ACSL1: variants seen among roughly 807,000 people sequenced by gnomAD.
The protein encoded by ACSL1 is long-chain-fatty-acid--CoA ligase 1.
ACSL1 carries 41 observed loss-of-function variants against 98.4 expected under a neutral mutation model. That is an observed-to-expected ratio of 0.42 (90% CI 0.32 to 0.54). The LOEUF (loss-of-function observed/expected upper bound fraction) is 0.54, where lower values mean the gene tolerates loss of function less well. ACSL1 is among the 20% of genes least tolerant of loss of function. The probability of loss-of-function intolerance (pLI) is 0.13; values close to 1 mark genes in which losing one functional copy is unlikely to be tolerated. For synonymous variants in ACSL1, 316 were observed against 322.7 expected, an observed-to-expected ratio of 0.98 and a Z score of 0.22; for missense variants, 734 against 883.1, an observed-to-expected ratio of 0.83 and a Z score of 2.14.
At chr4:184,764,445 G>A (rs773877614) in intron 15 of ACSL1, among the ~76,000 whole-genome samples, 1 of 152,164 alleles carries the variant, frequency 6.6e-6, no homozygotes, top group Non-Finnish European at 1.5e-5. Flanking sequence ...CCTATTGGTA[G>A]TCCCAACACC....
At chr4:184,819,400 C>T (rs1413426274) in intron 1 of ACSL1, among the ~76,000 whole-genome samples, 1 of 152,062 alleles carries the variant, frequency 6.6e-6, no homozygotes, top group African/African-American at 2.4e-5. Context: ...GCCTTGGCCT[C>T]CCAAAGTGCT....
rs566112470 is a variant in ACSL1, at chr4:184,811,342, G to A, written c.-32-7796C>T. 9.9e-5 allele frequency among the ~76,000 whole-genome samples: 15 copies of A among 152,068 alleles called. No homozygotes were observed. In the South Asian group the frequency reaches 1.0e-3, roughly 11 times the overall value. On this transcript the variant is annotated intron_variant, in intron 1 of 20. Coordinates refer to ENST00000281455, the MANE Select transcript of ACSL1 (RefSeq NM_001995.5). ...TTGGCCAGGATGGTCTCGATCTCCC[G>A]ACTTTGTGATCTGCCCGCCTTGGCC...
chr4:184,792,350 T>C (rs1396790123), intron 2 of ACSL1, among the ~76,000 whole-genome samples: 1 of 151,690 alleles, frequency 6.6e-6, no homozygotes, highest in Non-Finnish European at 1.5e-5. Flanking sequence ...AGAAAGGGGG[T>C]TGAATAAGAA....
At position 184,780,195 on chromosome 4, in the gene ACSL1, T is replaced by G. The variant is rs749867293; in HGVS notation, c.477+137A>C. On this transcript the variant is annotated intron_variant, in intron 5 of 20. Coordinates refer to ENST00000281455, the MANE Select transcript of ACSL1 (RefSeq NM_001995.5). ...CGGCCCTGGTTGAGGTTTTCATATGTGTAACTTTCTAAGGTGTAACGTAAA... is the reference window on the plus strand; with the variant it reads ...CGGCCCTGGTTGAGGTTTTCATATGGGTAACTTTCTAAGGTGTAACGTAAA... The G allele has an allele frequency of 1.3e-3, 975 of 758,360 alleles. 3 individuals carry two copies. The highest frequency in any genetic ancestry group is 1.8e-3 in the Non-Finnish European group (851 of 469,222). The allele number at this position is 758,360 out of a possible 1,614,324, so 47.0% of individuals were successfully genotyped here.
At position 184,766,031 on chromosome 4, in the gene ACSL1, G is replaced by C. The variant is rs1169236657; in HGVS notation, c.1264-45C>G. ...GGAGAAGGTGAGGGTTACACACCTG[G>C]AAGTCGGCGGCCTCTCCGCCAAGGG... On this transcript the variant is annotated intron_variant, in intron 13 of 20. Coordinates refer to ENST00000281455, the MANE Select transcript of ACSL1 (RefSeq NM_001995.5). The surrounding 1 kb of genome is among the most constrained non-coding windows in gnomAD (Gnocchi z 4.8). 2 of 1,588,830 alleles carry C rather than the reference G, an allele frequency of 1.3e-6. No individual in the cohort carries two copies. Among genetic ancestry groups the C allele is most frequent in the Non-Finnish European group, 8.6e-7 (1 of 1,160,076 alleles).
intron 2 of ACSL1, among the ~76,000 whole-genome samples, chr4:184,800,940 A>C (rs567489548): frequency 3.2e-4 from 49 of 152,012 alleles, no homozygotes; most frequent in Non-Finnish European, 4.9e-4. Flanking sequence ...GCAGTGTCCA[A>C]CTCCTGGGTT....
intron 17 of ACSL1, among the ~76,000 whole-genome samples, chr4:184,761,064 C>T (rs960012482): frequency 1.3e-5 from 2 of 152,190 alleles, no homozygotes; most frequent in African/African-American, 2.4e-5. Context: ...CCAGTAGTGC[C>T]GTAAGCAAAA....
rs1041525191 is a variant in ACSL1 at position 184,766,554 on chromosome 4, G to T, written c.1263+68C>A. ...CTTCATCTCTCCCTCTCACAAAAAA[G>T]GCCCTCCCAGAACTCTGAAAAGCGA... is the stretch of plus-strand genomic sequence containing the variant. On this transcript the variant is annotated intron_variant, in intron 13 of 20. Coordinates refer to ENST00000281455, the MANE Select transcript of ACSL1 (RefSeq NM_001995.5). The surrounding 1 kb of genome is among the most constrained non-coding windows in gnomAD (Gnocchi z 4.8). 3 of 1,553,200 alleles carry T rather than the reference G, an allele frequency of 1.9e-6. No individual in the cohort carries two copies. Among genetic ancestry groups the T allele is most frequent in the Admixed American group, 3.9e-5 (2 of 51,806 alleles).
chr4:184,771,123 C>CA lies in ACSL1; in HGVS notation c.916-648dup, dbSNP rs368526745. The stretch of plus-strand genomic sequence containing the variant: ...TGGGCAACAGAGTGAGACTCTGAAT[C>CA]AAAAAAAAAAGCAATACTTTAATTA... On this transcript the variant is annotated intron_variant, in intron 10 of 20. Transcript: ENST00000281455. Among the ~76,000 whole-genome samples, 193 of 145,296 alleles carry CA rather than the reference C, an allele frequency of 1.3e-3. 2 individuals are homozygous for CA. The East Asian group carries it at 0.025, about 19-fold the overall frequency.
At chr4:184,818,518 C>T (rs1772809257) in intron 1 of ACSL1, among the ~76,000 whole-genome samples, 1 of 152,158 alleles carries the variant, frequency 6.6e-6, no homozygotes, top group African/African-American at 2.4e-5. Flanking sequence ...AATAGACAAA[C>T]CTGGAACATT....
chr4:184,808,482 G>C, intron 1 of ACSL1: 6 of 985,442 alleles, frequency 6.1e-6, no homozygotes, highest in Non-Finnish European at 7.2e-6. Flanking sequence ...GGCAAATTAA[G>C]AAAGCCTGAC....
At position 184,776,915 on chromosome 4, in the gene ACSL1, T is replaced by C. The variant is rs191208287; in HGVS notation, c.546A>G (p.Gly182=). ...TGACTATGTACGTGATGGCTTCATT[T>C]CCAAGGGTATCATAAAGTGGAACGA... The part of the protein sequence containing the change: ...MVIVPLYDTL[G]NEAITYIVNK... The change falls in exon 6 of 21, where the codon GGA becomes GGG. Residue 182 remains glycine, a synonymous_variant. Transcript: ENST00000281455. 3 of 1,614,202 alleles carry C rather than the reference T, an allele frequency of 1.9e-6. No individual in the cohort carries two copies. In the Admixed American group the frequency reaches 5.0e-5, roughly 27 times the overall value.
intron 10 of ACSL1, among the ~76,000 whole-genome samples, chr4:184,771,931 T>A (rs78706490): frequency 1.3e-5 from 2 of 152,206 alleles, no homozygotes; most frequent in Admixed American, 1.3e-4. Context: ...CTTCTCAGGA[T>A]GAAATTGTTA....
At position 184,766,576 on chromosome 4, in the gene ACSL1, G is replaced by A; in HGVS notation, c.1263+46C>T. 1 of 1,590,490 alleles carries A rather than the reference G, an allele frequency of 6.3e-7. No individual in the cohort carries two copies. The highest frequency in any genetic ancestry group is 2.3e-5 in the East Asian group (1 of 44,282). On this transcript the variant is annotated intron_variant, in intron 13 of 20. Coordinates refer to ENST00000281455, the MANE Select transcript of ACSL1 (RefSeq NM_001995.5). This position sits in a 1 kb window ranked among gnomAD's most constrained non-coding sequence, Gnocchi z 4.8. ...AAAGGCCCTCCCAGAACTCTGAAAA[G>A]CGAAGTCGGTTTCCATGGGAGCAGT...
chr4:184,759,711 T>C (rs201786552), intron 18 of ACSL1, among the ~76,000 whole-genome samples: 7,336 of 152,140 alleles, frequency 0.048, 300 homozygotes, highest in East Asian at 0.22. Flanking sequence ...TGTGGAGAAA[T>C]AGGAACGCTT....
Position 184,757,033 on chromosome 4 carries a change from A to G in ACSL1, c.*92T>C. On this transcript the variant is annotated 3_prime_UTR_variant, in exon 21 of 21. Transcript: ENST00000281455. The surrounding 1 kb of genome is among the most constrained non-coding windows in gnomAD (Gnocchi z 4.5). ...CAAACACGAACGCTTCCTTCCCTAC[A>G]CTTGCTGTATTCAAAATTAACAACA... is the stretch of plus-strand genomic sequence containing the variant. The G allele has an allele frequency of 9.1e-6, 13 of 1,428,822 alleles. No homozygotes were observed. Among genetic ancestry groups the G allele is most frequent in the Non-Finnish European group, 1.2e-5 (13 of 1,064,020 alleles). 88.5% of individuals were successfully genotyped at this position (1,428,822 alleles called of 1,614,324 possible).
chr4:184,803,662 T>A lies in ACSL1; in HGVS notation c.-32-116A>T. 1 of 544,508 alleles carries A rather than the reference T, an allele frequency of 1.8e-6. No homozygotes were observed. The highest frequency in any genetic ancestry group is 2.9e-6 in the Non-Finnish European group (1 of 345,980). The allele number at this position is 544,508 out of a possible 1,614,324, so 33.7% of individuals were successfully genotyped here. A position where few individuals can be genotyped will look rare whatever the true frequency, so the allele number is the denominator to read the frequency against. On this transcript the variant is annotated intron_variant, in intron 1 of 20. Transcript: ENST00000281455. The surrounding 1 kb of genome is among the most constrained non-coding windows in gnomAD (Gnocchi z 4.8). ...GTAGCTGCTCGGCCAGTCCAGGCAT[T>A]AAACCCACAATCTAATGATCCGGGG...
chr4:184,789,623 T>C (rs534435116), intron 2 of ACSL1, among the ~76,000 whole-genome samples: 2 of 152,370 alleles, frequency 1.3e-5, no homozygotes, highest in Admixed American at 6.5e-5. Context: ...GCTGTGCACC[T>C]TTCTCTAAGT....
At chr4:184,772,692 A>C (rs1764684966) in intron 10 of ACSL1, among the ~76,000 whole-genome samples, 1 of 152,260 alleles carries the variant, frequency 6.6e-6, no homozygotes, top group Admixed American at 6.5e-5. Flanking sequence ...AATCATTCAA[A>C]AACTTTTAAC....
Sources: gnomAD v4.1 joint callset for allele counts (sites outside exome capture counted in the v4.1 genomes callset) on GRCh38, gnomAD v4.1.1 for gene constraint, Gnocchi (gnomAD v3.1) non-coding constraint, MANE v1.5 for transcripts, NCBI Gene and HGNC (gene_info 2026-07-23, HGNC 2026-07-21) for gene names.